The following PCDHGA1 variants were observed in gnomAD, a reference collection of about 807,000 sequenced individuals.
PCDHGA1 encodes the protein protocadherin gamma subfamily A, 1.
A neutral mutation model predicts 58.0 loss-of-function variants in PCDHGA1; 32 were observed. The ratio of observed to expected loss-of-function variants is 0.55; its 90% CI spans 0.42 to 0.74. PCDHGA1 has a LOEUF of 0.74. PCDHGA1 is among the 30% of genes least tolerant of loss of function. The pLI, the probability that PCDHGA1 is intolerant of heterozygous loss-of-function variation, is 0.00. For synonymous variants in PCDHGA1, 498 were observed against 501.1 expected, an observed-to-expected ratio of 0.99 and a Z score of 0.08; for missense variants, 1,205 against 1,182.3, an observed-to-expected ratio of 1.02 and a Z score of -0.28.
At chr5:141,403,342 C>T (rs766669117) in intron 1 of PCDHGA1, 4 of 1,613,976 alleles carry the variant, frequency 2.5e-6, no homozygotes, top group African/African-American at 1.3e-5. Context: ...ACGACAGCGC[C>T]CCAAAGTTCC....
At chr5:141,447,084 T>A (rs2098525776) in intron 1 of PCDHGA1, among the ~76,000 whole-genome samples, 1 of 152,186 alleles carries the variant, frequency 6.6e-6, no homozygotes, top group Non-Finnish European at 1.5e-5. Flanking sequence ...TTTTGTTGTT[T>A]AATTTTCTTT....
intron 1 of PCDHGA1, chr5:141,383,906 C>T (rs1779578930): frequency 6.2e-7 from 1 of 1,613,814 alleles, no homozygotes; most frequent in African/African-American, 1.3e-5. Flanking sequence ...GTACTGATCA[C>T]AGTTTTAGAT....
chr5:141,342,373 G>A (rs893050939), intron 1 of PCDHGA1: 1 of 152,008 alleles, frequency 6.6e-6, no homozygotes, highest in Admixed American at 6.5e-5. Context: ...TTGGCTTTTA[G>A]TATGTTGGTT....
intron 1 of PCDHGA1, chr5:141,418,374 T>C: frequency 1.2e-6 from 2 of 1,613,968 alleles, no homozygotes; most frequent in Non-Finnish European, 1.7e-6. Flanking sequence ...AAATACCAAC[T>C]AAGTCCTAAC....
chr5:141,416,532 A>T (rs3806830), intron 1 of PCDHGA1: 1 of 152,142 alleles, frequency 6.6e-6, no homozygotes, highest in Non-Finnish European at 1.5e-5. Context: ...TCTTTAATGT[A>T]TAAGGAGGCA....
At chr5:141,393,297 G>T (rs376887343) in intron 1 of PCDHGA1, 3 of 1,613,934 alleles carry the variant, frequency 1.9e-6, no homozygotes, top group Non-Finnish European at 1.7e-6. Context: ...TGACCCGGAT[G>T]TGGGCGTGAA....
intron 1 of PCDHGA1, among the ~76,000 whole-genome samples, chr5:141,454,658 G>A (rs961640658): frequency 7.2e-5 from 11 of 151,812 alleles, no homozygotes; most frequent in Admixed American, 6.6e-5. Context: ...TGCCCACCTC[G>A]GCCTCCCAAA....
rs776132438 is a variant in PCDHGA1 at position 141,432,197 on chromosome 5, G to A, written c.2422-62610G>A. The A allele has an allele frequency of 2.5e-6, 4 of 1,614,112 alleles. No individual in the cohort carries two copies. The South Asian group carries it at 3.3e-5, about 13-fold the overall frequency. The stretch of plus-strand genomic sequence containing the variant: ...CGTCTCTGTGACCGCCCACGACCCC[G>A]ACTGTGAAGAGAACGCCCAGATCAC... On this transcript the variant is annotated intron_variant, in intron 1 of 3. Coordinates refer to ENST00000517417, the MANE Select transcript of PCDHGA1 (RefSeq NM_018912.3). The surrounding 1 kb of genome is among the most constrained non-coding windows in gnomAD (Gnocchi z 6.0).
At position 141,490,852 on chromosome 5, in the gene PCDHGA1, G is replaced by A. The variant is rs759198428; in HGVS notation, c.2422-3955G>A. 2 of 1,613,896 alleles carry A rather than the reference G, an allele frequency of 1.2e-6. No individual in the cohort carries two copies. Among genetic ancestry groups the A allele is most frequent in the Non-Finnish European group, 1.7e-6 (2 of 1,179,928 alleles). ...GCTGCAGATTGTGGTGGGGGTTCGA[G>A]ACTCCGGCTCTCCCCCATTGCATGC... On this transcript the variant is annotated intron_variant, in intron 1 of 3. Transcript: ENST00000517417. The surrounding 1 kb of genome is among the most constrained non-coding windows in gnomAD (Gnocchi z 5.4).
chr5:141,492,880 T>C (rs1204475362), intron 1 of PCDHGA1, among the ~76,000 whole-genome samples: 2 of 152,184 alleles, frequency 1.3e-5, no homozygotes, highest in African/African-American at 4.8e-5. Context: ...CCCCCAGAGA[T>C]ACAGGCTTTT....
chr5:141,448,232 T>A (rs917554207), intron 1 of PCDHGA1, among the ~76,000 whole-genome samples: 1 of 152,094 alleles, frequency 6.6e-6, no homozygotes, highest in Admixed American at 6.6e-5. Context: ...ATGTGTGGGG[T>A]TTTCTTTGCA....
chr5:141,389,200 A>C, intron 1 of PCDHGA1: 1 of 1,614,034 alleles, frequency 6.2e-7, no homozygotes, highest in Non-Finnish European at 8.5e-7. Context: ...ATCACCCTGC[A>C]CATTGGTGAT....
rs760319541 is a variant in PCDHGA1, at chr5:141,477,772, C to T, written c.2422-17035C>T. 1.2e-6 allele frequency: 2 copies of T among 1,614,026 alleles called. No homozygotes were observed. Among genetic ancestry groups the T allele is most frequent in the South Asian group, 1.1e-5 (1 of 91,088 alleles). ...CCCCGGTCCTAGCCACCAACATCAGCGTGAACATATTTGTCACTGATCGCA... is the reference window on the plus strand; with the variant it reads ...CCCCGGTCCTAGCCACCAACATCAGTGTGAACATATTTGTCACTGATCGCA... On this transcript the variant is annotated intron_variant, in intron 1 of 3. Coordinates refer to ENST00000517417, the MANE Select transcript of PCDHGA1 (RefSeq NM_018912.3). This position sits in a 1 kb window ranked among gnomAD's most constrained non-coding sequence, Gnocchi z 4.9.
intron 1 of PCDHGA1, among the ~76,000 whole-genome samples, chr5:141,338,387 A>G (rs1170692227): frequency 6.6e-6 from 1 of 152,236 alleles, no homozygotes; most frequent in Non-Finnish European, 1.5e-5. Context: ...ATAACCTTAG[A>G]AGAAAACGTA....
chr5:141,339,261 C>T (rs1297234853), intron 1 of PCDHGA1: 2 of 1,614,266 alleles, frequency 1.2e-6, no homozygotes, highest in Non-Finnish European at 1.7e-6. Flanking sequence ...GAGCTCTGCG[C>T]TCAGAGCGCA....
rs1561515319 is a variant in PCDHGA1 at position 141,357,584 on chromosome 5, A to C, written c.2421+24479A>C. On this transcript the variant is annotated intron_variant, in intron 1 of 3. Transcript: ENST00000517417. ...AAAAGCGAGCCTCTTCTGATAACTC[A>C]GGATTTACTTGAAACAAAAGGAGAC... The C allele has an allele frequency of 6.2e-7, 1 of 1,614,210 alleles. No individual in the cohort carries two copies. The highest frequency in any genetic ancestry group is 2.2e-5 in the East Asian group (1 of 44,886).
At position 141,431,994 on chromosome 5, in the gene PCDHGA1, G is replaced by C; in HGVS notation, c.2422-62813G>C. ...TTAGTCACAGACATAGTCTTGGATA[G>C]GGAACAGGTTCCTAGCTACAACATC... is the stretch of plus-strand genomic sequence containing the variant. On this transcript the variant is annotated intron_variant, in intron 1 of 3. Coordinates refer to ENST00000517417, the MANE Select transcript of PCDHGA1 (RefSeq NM_018912.3). The surrounding 1 kb of genome is among the most constrained non-coding windows in gnomAD (Gnocchi z 4.8). 1.9e-6 allele frequency: 3 copies of C among 1,614,188 alleles called. 1 individual carries two copies. The highest frequency in any genetic ancestry group is 2.2e-5 in the South Asian group (2 of 91,082).
chr5:141,488,095 A>G (rs78361634), intron 1 of PCDHGA1, among the ~76,000 whole-genome samples: 8,142 of 152,146 alleles, frequency 0.054, 446 homozygotes, highest in African/African-American at 0.15. Flanking sequence ...CTGTGAAGGG[A>G]CCTCTCTATT....
intron 1 of PCDHGA1, among the ~76,000 whole-genome samples, chr5:141,444,152 ATTTTTTTTTTTTTTT>A (rs747671382): frequency 3.8e-4 from 13 of 33,894 alleles, no homozygotes; most frequent in East Asian, 1.0e-3. Context: ...TGTGTACTGG[ATTTTTTTTTTTTTTT>A]TTTTTTTTTT....
Sources: gnomAD v4.1 joint callset for allele counts (sites outside exome capture counted in the v4.1 genomes callset) on GRCh38, gnomAD v4.1.1 for gene constraint, Gnocchi (gnomAD v3.1) non-coding constraint, MANE v1.5 for transcripts, NCBI Gene and HGNC (gene_info 2026-07-23, HGNC 2026-07-21) for gene names.